The following EBF1 variants were observed in gnomAD, a reference collection of about 807,000 sequenced individuals.
EBF1 encodes the protein transcription factor COE1.
A neutral mutation model predicts 68.4 loss-of-function variants in EBF1; 10 were observed. That is an observed-to-expected ratio of 0.15 (90% CI 0.09 to 0.25). EBF1 has a LOEUF of 0.25. EBF1 is among the 10% of genes least tolerant of loss of function. EBF1 has a pLI of 1.00. For synonymous variants in EBF1, 298 were observed against 299.8 expected (o/e 0.99, Z 0.06); for missense variants, 509 against 794.4 (o/e 0.64, Z 4.32).
intron 6 of EBF1, among the ~76,000 whole-genome samples, chr5:159,020,967 T>G (rs1766563740): frequency 6.6e-6 from 1 of 152,392 alleles, no homozygotes; most frequent in Admixed American, 6.5e-5. Context: ...TGTTCTTATT[T>G]GCAATGAACA....
intron 10 of EBF1, among the ~76,000 whole-genome samples, chr5:158,763,524 A>G (rs1425557800): frequency 3.3e-5 from 5 of 152,292 alleles, no homozygotes; most frequent in Admixed American, 3.3e-4. Flanking sequence ...TTTTTTGTCA[A>G]CAGACAGAAA....
At chr5:158,855,700 G>GAGAA (rs1793857586) in intron 6 of EBF1, among the ~76,000 whole-genome samples, 1 of 152,236 alleles carries the variant, frequency 6.6e-6, no homozygotes, top group Non-Finnish European at 1.5e-5. Context: ...CTAAGTGAAT[G>GAGAA]AGTAAGTAAG....
intron 10 of EBF1, among the ~76,000 whole-genome samples, chr5:158,736,368 T>A (rs574090777): frequency 1.3e-5 from 2 of 152,240 alleles, no homozygotes; most frequent in African/African-American, 4.8e-5. Flanking sequence ...CATTCCAACA[T>A]TGGCTTACAG....
chr5:158,713,647 A>G (rs1324566750), intron 12 of EBF1, among the ~76,000 whole-genome samples: 3 of 152,242 alleles, frequency 2.0e-5, no homozygotes, highest in Admixed American at 6.5e-5. Context: ...ACATTGACTC[A>G]GGCTACATGA....
intron 5 of EBF1, among the ~76,000 whole-genome samples, chr5:159,083,457 CAAAT>C (rs1399958881): frequency 2.0e-5 from 3 of 151,890 alleles, no homozygotes; most frequent in Non-Finnish European, 4.4e-5. Context: ...ACAAGTTTTA[CAAAT>C]CACTGAAATG....
At chr5:159,073,290 A>C (rs1365578388) in intron 6 of EBF1, 106 bp downstream of exon 6, 1 of 1,224,906 alleles carries the variant, frequency 8.2e-7, no homozygotes, top group Non-Finnish European at 1.2e-6. Flanking sequence ...ACCAACAGGC[A>C]AATTTCAGCC....
rs117051964 is a variant in EBF1 at position 158,858,687 on chromosome 5, G to C, written c.555-18577C>G. ...GCAAAATATCAAGTTTCATATCTCT[G>C]TTGCCCCTAAAAACAAGGTCCCCTT... On this transcript the variant is annotated intron_variant, in intron 6 of 15. Transcript: ENST00000313708. 3.0e-3 allele frequency among the ~76,000 whole-genome samples: 460 copies of C among 152,188 alleles called. 8 individuals carry two copies. The East Asian group carries it at 0.049, about 16-fold the overall frequency.
chr5:158,861,134 C>T (rs1794893494), intron 6 of EBF1, among the ~76,000 whole-genome samples: 1 of 151,988 alleles, frequency 6.6e-6, no homozygotes. Context: ...CCCCTGTGTC[C>T]CCTGGAGGAT....
intron 6 of EBF1, among the ~76,000 whole-genome samples, chr5:158,868,866 T>G (rs909220875): frequency 1.3e-5 from 2 of 152,188 alleles, no homozygotes; most frequent in Non-Finnish European, 2.9e-5. Context: ...TGGTTGATGT[T>G]GAAAGCATTA....
chr5:158,945,635 T>C (rs1447260641), intron 6 of EBF1, among the ~76,000 whole-genome samples: 1 of 152,266 alleles, frequency 6.6e-6, no homozygotes, highest in Non-Finnish European at 1.5e-5. Context: ...TTGGTGAATC[T>C]GACAATTATG....
intron 6 of EBF1, among the ~76,000 whole-genome samples, chr5:158,952,874 C>T (rs1816316302): frequency 1.3e-5 from 2 of 152,154 alleles, no homozygotes; most frequent in South Asian, 4.1e-4. Context: ...GGTATCTGAA[C>T]TTAAAAGAAA....
intron 6 of EBF1, among the ~76,000 whole-genome samples, chr5:158,952,938 T>C (rs561261920): frequency 6.6e-6 from 1 of 152,020 alleles, no homozygotes; most frequent in African/African-American, 2.4e-5. Context: ...CCAAAGTACC[T>C]TTTTTTTAGA....
At chr5:159,053,594 C>T in intron 6 of EBF1, among the ~76,000 whole-genome samples, 1 of 135,758 alleles carries the variant, frequency 7.4e-6, no homozygotes, top group African/African-American at 2.9e-5. Flanking sequence ...CTCTCCCTCT[C>T]TCTCTCTCTC....
intron 7 of EBF1, among the ~76,000 whole-genome samples, chr5:158,829,430 C>T (rs1786982722): frequency 6.6e-6 from 1 of 151,706 alleles, no homozygotes; most frequent in African/African-American, 2.4e-5. Context: ...TGTGATCTAC[C>T]CATGTCAGTC....
At chr5:159,008,805 G>A (rs899828886) in intron 6 of EBF1, among the ~76,000 whole-genome samples, 2 of 152,110 alleles carry the variant, frequency 1.3e-5, no homozygotes, top group African/African-American at 4.8e-5. Flanking sequence ...CCAAAGTGCT[G>A]GGATTACAGG....
chr5:158,907,463 C>A (rs1253908260), intron 6 of EBF1, among the ~76,000 whole-genome samples: 1 of 152,058 alleles, frequency 6.6e-6, no homozygotes, highest in Admixed American at 6.5e-5. Flanking sequence ...GCTAGATACC[C>A]AATTAACATC....
At chr5:159,058,967 C>A (rs1303534381) in intron 6 of EBF1, among the ~76,000 whole-genome samples, 1 of 152,200 alleles carries the variant, frequency 6.6e-6, no homozygotes, top group Non-Finnish European at 1.5e-5. Context: ...CTCATAACCC[C>A]CAAATCCTTG....
intron 6 of EBF1, among the ~76,000 whole-genome samples, chr5:158,925,654 T>C (rs779542841): frequency 6.6e-6 from 1 of 152,048 alleles, no homozygotes; most frequent in Non-Finnish European, 1.5e-5. Flanking sequence ...CAGAAGAAAA[T>C]AGAAACCAGG....
At chr5:158,832,774 C>A (rs1482993705) in intron 7 of EBF1, among the ~76,000 whole-genome samples, 1 of 152,128 alleles carries the variant, frequency 6.6e-6, no homozygotes. Flanking sequence ...AAGCAAACAG[C>A]AAAGATTCTC....
Sources: gnomAD v4.1 joint callset for allele counts (sites outside exome capture counted in the v4.1 genomes callset) on GRCh38, gnomAD v4.1.1 for gene constraint, MANE v1.5 for transcripts, NCBI Gene and HGNC (gene_info 2026-07-23, HGNC 2026-07-21) for gene names.